Variants in SUPV3L1 observed in about 807,000 individuals in gnomAD.
SUPV3L1 encodes the protein Suv3 like RNA helicase.
SUPV3L1 carries 35 observed loss-of-function variants against 70.0 expected under a neutral mutation model. The observed-to-expected ratio is 0.50, with a 90% confidence interval of 0.38 to 0.66. The LOEUF is 0.66. Ranked by LOEUF, SUPV3L1 falls within the 30% of genes least tolerant of loss-of-function variation. SUPV3L1 has a pLI of 0.00. For synonymous variants in SUPV3L1, 364 were observed against 341.9 expected (o/e 1.06, Z -0.71); for missense variants, 777 against 961.5 (o/e 0.81, Z 2.54).
chr10:69,208,736 T>A lies in SUPV3L1; in HGVS notation c.2062T>A (p.Leu688Met). 1 of 1,614,114 alleles carries A rather than the reference T, an allele frequency of 6.2e-7. No individual in the cohort carries two copies. Among genetic ancestry groups the A allele is most frequent in the Non-Finnish European group, 8.5e-7 (1 of 1,180,018 alleles). ...GTCTGAGACGCATAAGCTGTTGAAT[T>A]TGGAGGGCTTTCCATCAGGGAGCCA... ...KMSETHKLLN[L>M]EGFPSGSQSR... The change falls in exon 15 of 15, where the codon TTG (leucine) becomes ATG (methionine). Residue 688 changes from leucine (L) to methionine (M), a missense_variant. Physicochemically the swap from Leu to Met is conservative, Grantham distance 15 (BLOSUM62 2). Coordinates refer to ENST00000359655, the MANE Select transcript of SUPV3L1 (RefSeq NM_003171.5).
At chr10:69,183,668 G>GTCT (rs1217862674) in intron 1 of SUPV3L1, among the ~76,000 whole-genome samples, 1 of 152,158 alleles carries the variant, frequency 6.6e-6, no homozygotes, top group Non-Finnish European at 1.5e-5. Context: ...GGTGACAAGA[G>GTCT]TGAGACCCTG....
chr10:69,189,964 C>T (rs950855019), intron 5 of SUPV3L1, among the ~76,000 whole-genome samples: 1 of 152,104 alleles, frequency 6.6e-6, no homozygotes, highest in Non-Finnish European at 1.5e-5. Flanking sequence ...TCTTAAGATG[C>T]ATCTTGATTT....
At position 69,206,876 on chromosome 10, in the gene SUPV3L1, G is replaced by A. The variant is rs981973390; in HGVS notation, c.1777-917G>A. Among the ~76,000 whole-genome samples, 7 of 151,992 alleles carry A rather than the reference G, an allele frequency of 4.6e-5. No individual in the cohort carries two copies. In the South Asian group the frequency reaches 6.2e-4, roughly 13 times the overall value. On this transcript the variant is annotated intron_variant, in intron 13 of 14. Transcript: ENST00000359655. Reference sequence around the variant, plus strand: ...ACAAAAATTAGCTGGGTGTTGTGGCGGGCGCCTGTAATCCCAGCTACTCAG... The same window carrying A: ...ACAAAAATTAGCTGGGTGTTGTGGCAGGCGCCTGTAATCCCAGCTACTCAG...
chr10:69,203,663 CA>C (rs1307849343), intron 13 of SUPV3L1, among the ~76,000 whole-genome samples: 69 of 88,786 alleles, frequency 7.8e-4, no homozygotes, highest in South Asian at 2.1e-3. Context: ...GACTCTGTCT[CA>C]AAAAAAAAAA....
chr10:69,185,747 A>G (rs1280819152), intron 1 of SUPV3L1, among the ~76,000 whole-genome samples: 4 of 151,792 alleles, frequency 2.6e-5, no homozygotes, highest in African/African-American at 7.3e-5. Flanking sequence ...TGATCCGCCC[A>G]CCTCAGCCTC....
chr10:69,184,616 TACAC>T (rs59328806), intron 1 of SUPV3L1, among the ~76,000 whole-genome samples: 2,612 of 146,126 alleles, frequency 0.018, 34 homozygotes, highest in African/African-American at 0.04. Flanking sequence ...GAAATATAAA[TACAC>T]ACACACACAC....
At chr10:69,188,503 T>TTTTTTTTTG (rs113481564) in intron 4 of SUPV3L1, among the ~76,000 whole-genome samples, 1 of 150,994 alleles carries the variant, frequency 6.6e-6, no homozygotes, top group African/African-American at 2.4e-5. Flanking sequence ...ACTTGATTTT[T>TTTTTTTTTG]TTTGTTTGTT....
Position 69,180,570 on chromosome 10 carries a change from C to T in SUPV3L1, c.271+8C>T, listed in dbSNP as rs766096297. ...CCCGGCCTCTGGACAAGAGTGAGTGCGGGAACTACTGAGGGCGGCAGAGGG... is the reference window on the plus strand; with the variant it reads ...CCCGGCCTCTGGACAAGAGTGAGTGTGGGAACTACTGAGGGCGGCAGAGGG... On this transcript the variant is annotated splice_region_variant and intron_variant, in intron 1 of 14. Coordinates refer to ENST00000359655, the MANE Select transcript of SUPV3L1 (RefSeq NM_003171.5). The T allele has an allele frequency of 1.2e-6, 2 of 1,612,912 alleles. No individual in the cohort carries two copies. The highest frequency in any genetic ancestry group is 2.7e-5 in the African/African-American group (2 of 74,870).
At chr10:69,186,704 A>AG (rs764779012) in intron 3 of SUPV3L1, among the ~76,000 whole-genome samples, 154 bp downstream of exon 3, 7 of 152,164 alleles carry the variant, frequency 4.6e-5, no homozygotes, top group Non-Finnish European at 8.8e-5. Context: ...GATGACTTCT[A>AG]GGTTGTTTGC....
At chr10:69,195,462 C>G in intron 7 of SUPV3L1, 197 bp downstream of exon 7, 1 of 401,358 alleles carries the variant, frequency 2.5e-6, no homozygotes, top group East Asian at 3.6e-5. Flanking sequence ...TGTGCTAAAA[C>G]TAGCATAACC....
chr10:69,183,091 T>C (rs145673748), intron 1 of SUPV3L1, among the ~76,000 whole-genome samples: 1 of 152,306 alleles, frequency 6.6e-6, no homozygotes, highest in Non-Finnish European at 1.5e-5. Context: ...TCAAGACAAC[T>C]TACCTTCCCC....
At position 69,180,483 on chromosome 10, in the gene SUPV3L1, C is replaced by T; in HGVS notation, c.192C>T (p.Phe64=). 3 of 1,614,244 alleles carry T rather than the reference C, an allele frequency of 1.9e-6. No individual in the cohort carries two copies. The highest frequency in any genetic ancestry group is 2.2e-5 in the South Asian group (2 of 91,082). ...CCAAAATACCAAACACGTCCTTGTTCGTGCCCCTGACTGTGAAACCTCAGG... is the reference window on the plus strand; with the variant it reads ...CCAAAATACCAAACACGTCCTTGTTTGTGCCCCTGACTGTGAAACCTCAGG... The part of the protein sequence containing the change: ...GGSKIPNTSL[F]VPLTVKPQGP... The change falls in exon 1 of 15, where the codon TTC becomes TTT. Residue 64 remains phenylalanine, a synonymous_variant. Coordinates refer to ENST00000359655, the MANE Select transcript of SUPV3L1 (RefSeq NM_003171.5).
At chr10:69,198,317 G>C in intron 8 of SUPV3L1, 55 bp from the exon 9 acceptor site, 1 of 1,503,612 alleles carries the variant, frequency 6.7e-7, no homozygotes, top group Non-Finnish European at 9.0e-7. Context: ...TTAATTACTA[G>C]TCACAAGAAG....
rs201923263 is a variant in SUPV3L1, at chr10:69,185,735, C to T, written c.272-252C>T. On this transcript the variant is annotated intron_variant, in intron 1 of 14. Coordinates refer to ENST00000359655, the MANE Select transcript of SUPV3L1 (RefSeq NM_003171.5). ...CAGGATGGTCTCTATCTCCTGACCT[C>T]GTGATCCGCCCACCTCAGCCTCCCA... is the stretch of plus-strand genomic sequence containing the variant. Among the ~76,000 whole-genome samples the T allele has an allele frequency of 3.9e-5, 6 of 151,998 alleles. No homozygotes were observed. The East Asian group carries it at 5.8e-4, about 15-fold the overall frequency.
intron 5 of SUPV3L1, among the ~76,000 whole-genome samples, chr10:69,190,854 C>A (rs1046623197): frequency 6.6e-6 from 1 of 152,124 alleles, no homozygotes; most frequent in African/African-American, 2.4e-5. Context: ...ACCAGCCATC[C>A]CAGTTTGCCT....
At chr10:69,204,678 G>A (rs1305845843) in intron 13 of SUPV3L1, among the ~76,000 whole-genome samples, 1 of 152,072 alleles carries the variant, frequency 6.6e-6, no homozygotes, top group Non-Finnish European at 1.5e-5. Flanking sequence ...AAGTTTGTGT[G>A]TATCTTTGCA....
Position 69,180,412 on chromosome 10 carries a change from C to T in SUPV3L1, c.121C>T (p.Gln41Ter). The T allele has an allele frequency of 6.2e-7, 1 of 1,614,260 alleles. No individual in the cohort carries two copies. The highest frequency in any genetic ancestry group is 8.5e-7 in the Non-Finnish European group (1 of 1,180,050). Residue 41 changes from glutamine to a stop codon, truncating the protein, a stop_gained, in exon 1 of 15, where the codon CAA (glutamine) becomes TAA (stop). Coordinates refer to ENST00000359655, the MANE Select transcript of SUPV3L1 (RefSeq NM_003171.5). LOFTEE classifies it high-confidence loss of function. ...HFGPFPGVLGQVSVLATASSS... is the reference protein window; with the variant it reads ...HFGPFPGVLG ...TGGGCCCTTTCCCGGGGTTCTGGGG[C>T]AAGTTTCTGTCCTTGCCACCGCCTC...
In SUPV3L1 at chr10:69,186,048, T is replaced by G; in HGVS notation, c.333T>G (p.Ala111=). 1 of 1,613,990 alleles carries G rather than the reference T, an allele frequency of 6.2e-7. No individual in the cohort carries two copies. The highest frequency in any genetic ancestry group is 8.5e-7 in the Non-Finnish European group (1 of 1,179,924). The change falls in exon 2 of 15, where the codon GCT becomes GCG. Residue 111 remains alanine, a synonymous_variant. Coordinates refer to ENST00000359655, the MANE Select transcript of SUPV3L1 (RefSeq NM_003171.5). ...GGAAAGAAATTCAGAAACTGGGTGCTGATTATGGACTTGATGGTAAGGCCC... is the reference window on the plus strand; with the variant it reads ...GGAAAGAAATTCAGAAACTGGGTGCGGATTATGGACTTGATGGTAAGGCCC... ...YKRKEIQKLG[A]DYGLDARLFH...
chr10:69,188,644 G>A (rs531150241), intron 4 of SUPV3L1, among the ~76,000 whole-genome samples: 82 of 152,146 alleles, frequency 5.4e-4, no homozygotes, highest in African/African-American at 1.8e-3. Context: ...GATTACAGGC[G>A]TGTGCTACCA....
Sources: gnomAD v4.1 joint callset for allele counts (sites outside exome capture counted in the v4.1 genomes callset) on GRCh38, gnomAD v4.1.1 for gene constraint, MANE v1.5 for transcripts, NCBI Gene and HGNC (gene_info 2026-07-23, HGNC 2026-07-21) for gene names.